Variants in FHIT observed in about 807,000 individuals in gnomAD.
FHIT encodes the protein bis(5'-adenosyl)-triphosphatase.
A neutral mutation model predicts 17.9 loss-of-function variants in FHIT; 19 were observed. The observed-to-expected ratio is 1.06, with a 90% confidence interval of 0.74 to 1.56. The LOEUF (loss-of-function observed/expected upper bound fraction) is 1.56. Ranked by LOEUF, FHIT falls within the 40% of genes most tolerant of loss-of-function variation. The probability of loss-of-function intolerance (pLI) is 0.00; values close to 1 mark genes in which losing one functional copy is unlikely to be tolerated. For missense variants in FHIT, 248 were observed against 189.2 expected, an observed-to-expected ratio of 1.31 and a Z score of -1.82; for synonymous variants, 81 against 69.7, an observed-to-expected ratio of 1.16 and a Z score of -0.81.
chr3:60,029,006 A>G (rs578010516), intron 5 of FHIT, among the ~76,000 whole-genome samples: 18 of 152,330 alleles, frequency 1.2e-4, no homozygotes, highest in African/African-American at 4.1e-4. Flanking sequence ...GATAAGAAAA[A>G]CAAGGCAAGA....
intron 5 of FHIT, among the ~76,000 whole-genome samples, chr3:60,405,160 A>T (rs1308704133): frequency 6.6e-6 from 1 of 152,192 alleles, no homozygotes; most frequent in Non-Finnish European, 1.5e-5. Flanking sequence ...CCTAGCTACA[A>T]GTTAAATCCT....
intron 5 of FHIT, among the ~76,000 whole-genome samples, chr3:60,469,880 C>A (rs533921279): frequency 2.2e-3 from 330 of 152,194 alleles, no homozygotes; most frequent in African/African-American, 7.6e-3. Context: ...GCCCCAAGCC[C>A]AATAACACTG....
intron 2 of FHIT, among the ~76,000 whole-genome samples, chr3:61,102,175 GAT>G (rs2035852828): frequency 6.6e-6 from 1 of 152,158 alleles, no homozygotes; most frequent in Admixed American, 6.5e-5. Context: ...CATTCAGTAT[GAT>G]ATTGGCTGCG....
chr3:59,819,976 G>A (rs1297139872), intron 8 of FHIT, among the ~76,000 whole-genome samples: 1 of 152,192 alleles, frequency 6.6e-6, no homozygotes, highest in Non-Finnish European at 1.5e-5. Context: ...GACACAACAA[G>A]AAGACTCCAT....
At position 59,944,900 on chromosome 3, in the gene FHIT, AG is replaced by A. The variant is rs370810734; in HGVS notation, c.280-22487del. On this transcript the variant is annotated intron_variant, in intron 7 of 9. Transcript: ENST00000492590. ...GCATAGTACTCCATGGTGCATATTT[AG>A]TACATTTTCTTTGTCCAGTCTACCT... is the stretch of plus-strand genomic sequence containing the variant. Among the ~76,000 whole-genome samples, 1,302 of 152,308 alleles carry A rather than the reference AG, an allele frequency of 8.5e-3. 32 individuals carry two copies. The highest frequency in any genetic ancestry group is 0.041 in the Middle Eastern group (12 of 294).
At chr3:61,233,517 A>C (rs895006357) in intron 1 of FHIT, among the ~76,000 whole-genome samples, 3 of 152,200 alleles carry the variant, frequency 2.0e-5, no homozygotes, top group African/African-American at 7.2e-5. Context: ...ACTGAGCTAA[A>C]TGCTGATTTA....
At chr3:59,977,430 C>T (rs3772482) in intron 7 of FHIT, among the ~76,000 whole-genome samples, 1 of 152,038 alleles carries the variant, frequency 6.6e-6, no homozygotes, top group Non-Finnish European at 1.5e-5. Flanking sequence ...ATCCAGCCTG[C>T]CAAACCAGCA....
chr3:60,043,831 G>C lies in FHIT; in HGVS notation c.104-29679C>G, dbSNP rs552560913. 3.7e-4 allele frequency among the ~76,000 whole-genome samples: 57 copies of C among 152,270 alleles called. No individual in the cohort carries two copies. The South Asian group carries it at 0.012, about 31-fold the overall frequency. ...AGTCCGACCCAGCTGATTAGTATTT[G>C]ATGTGCTGAAGAGCCTAATGTTTCT... On this transcript the variant is annotated intron_variant, in intron 5 of 9. Coordinates refer to ENST00000492590, the MANE Select transcript of FHIT (RefSeq NM_002012.4).
Position 60,692,986 on chromosome 3 carries a change from C to T in FHIT, c.-18+128933G>A, listed in dbSNP as rs148200085. 3.9e-3 allele frequency among the ~76,000 whole-genome samples: 598 copies of T among 152,300 alleles called. 5 individuals are homozygous for T. The highest frequency in any genetic ancestry group is 6.5e-3 in the Non-Finnish European group (439 of 68,030). On this transcript the variant is annotated intron_variant, in intron 4 of 9. Coordinates refer to ENST00000492590, the MANE Select transcript of FHIT (RefSeq NM_002012.4). ...CTGTTTGGCCACAGCATAAGGGAAT[C>T]ACCTGTTGAAATTGTTCATTCTAGT...
chr3:60,669,771 C>G (rs2040469048), intron 4 of FHIT, among the ~76,000 whole-genome samples: 1 of 152,024 alleles, frequency 6.6e-6, no homozygotes, highest in African/African-American at 2.4e-5. Flanking sequence ...AAGACCAGGC[C>G]CCTGCTGGGG....
chr3:59,912,848 C>T (rs969788526), intron 8 of FHIT, among the ~76,000 whole-genome samples: 84 of 152,216 alleles, frequency 5.5e-4, no homozygotes, highest in African/African-American at 1.9e-3. Flanking sequence ...AAGACTGTTT[C>T]TTTTTCAGAA....
chr3:60,678,065 A>C (rs2107856263), intron 4 of FHIT, among the ~76,000 whole-genome samples: 1 of 152,274 alleles, frequency 6.6e-6, no homozygotes, highest in East Asian at 1.9e-4. Flanking sequence ...TAGTACAGCC[A>C]GAGGCTTATC....
rs1367331022 is a variant in FHIT at position 60,884,147 on chromosome 3, TCACAA to T, written c.-110-62141_-110-62137del. Among the ~76,000 whole-genome samples the T allele has an allele frequency of 2.0e-5, 3 of 151,976 alleles. No homozygotes were observed. In the East Asian group the frequency reaches 5.8e-4, roughly 29 times the overall value. On this transcript the variant is annotated intron_variant, in intron 3 of 9. Transcript: ENST00000492590. ...TCCGTAATCCTCAGGGAAATGCAAA[TCACAA>T]CCACAGTGAGATACCATCTCACCAC...
intron 8 of FHIT, among the ~76,000 whole-genome samples, chr3:59,877,753 C>A (rs1703228460): frequency 6.6e-6 from 1 of 152,192 alleles, no homozygotes; most frequent in Non-Finnish European, 1.5e-5. Context: ...TATATGATTT[C>A]TTATATCTCT....
intron 4 of FHIT, among the ~76,000 whole-genome samples, chr3:60,683,759 C>T (rs1225248042): frequency 5.3e-5 from 8 of 152,120 alleles, no homozygotes; most frequent in African/African-American, 7.2e-5. Flanking sequence ...GTTTTACTTA[C>T]ACTTCAAGAA....
At chr3:60,757,147 T>C (rs1446258909) in intron 4 of FHIT, among the ~76,000 whole-genome samples, 3 of 151,410 alleles carry the variant, frequency 2.0e-5, no homozygotes, top group African/African-American at 4.8e-5. Context: ...ACTAAAGAGA[T>C]AGAAATTTAG....
rs532730124 is a variant in FHIT, at chr3:60,953,670, G to A, written c.-111+88377C>T. ...CCCATCTCATACAACATCCCAACCCGCCAATGACTCTAGGGTCTCTCTGGC... is the reference window on the plus strand; with the variant it reads ...CCCATCTCATACAACATCCCAACCCACCAATGACTCTAGGGTCTCTCTGGC... On this transcript the variant is annotated intron_variant, in intron 3 of 9. Transcript: ENST00000492590. 4.6e-5 allele frequency among the ~76,000 whole-genome samples: 7 copies of A among 152,130 alleles called. No individual in the cohort carries two copies. The South Asian group carries it at 1.0e-3, about 23-fold the overall frequency.
At chr3:59,834,810 T>C (rs894786502) in intron 8 of FHIT, among the ~76,000 whole-genome samples, 3 of 152,172 alleles carry the variant, frequency 2.0e-5, no homozygotes, top group African/African-American at 4.8e-5. Flanking sequence ...TAGACAGATA[T>C]ACACACATAA....
chr3:61,014,649 G>A (rs1023319382), intron 3 of FHIT, among the ~76,000 whole-genome samples: 2 of 150,216 alleles, frequency 1.3e-5, no homozygotes, highest in Admixed American at 6.6e-5. Context: ...GCGTGGTGGT[G>A]GGCACCTGTA....
Sources: gnomAD v4.1 joint callset for allele counts (sites outside exome capture counted in the v4.1 genomes callset) on GRCh38, gnomAD v4.1.1 for gene constraint, MANE v1.5 for transcripts, NCBI Gene and HGNC (gene_info 2026-07-23, HGNC 2026-07-21) for gene names.